CYP11A1: variants seen among roughly 807,000 people sequenced by gnomAD.
The protein encoded by CYP11A1 is cholesterol side-chain cleavage enzyme, mitochondrial.
Under a neutral mutation model 51.9 loss-of-function variants are expected in CYP11A1, and 25 were observed. The observed-to-expected ratio is 0.48, with a 90% CI of 0.35 to 0.67. The LOEUF (loss-of-function observed/expected upper bound fraction) is 0.67. CYP11A1 is among the 30% of genes least tolerant of loss of function. The pLI is 0.00. For missense variants in CYP11A1, 578 were observed against 680.9 expected, an observed-to-expected ratio of 0.85 and a Z score of 1.68; for synonymous variants, 245 against 262.1, an observed-to-expected ratio of 0.93 and a Z score of 0.63.
intron 1 of CYP11A1, among the ~76,000 whole-genome samples, chr15:74,352,372 C>A (rs2060660360): frequency 7.0e-6 from 1 of 143,868 alleles, no homozygotes; most frequent in African/African-American, 2.6e-5. Context: ...TGGGTTCAAA[C>A]AATTCTCCTG....
In CYP11A1 at chr15:74,338,617, A is replaced by G. The variant is rs774799229; in HGVS notation, c.1388T>C (p.Leu463Pro). 3 of 1,614,172 alleles carry G rather than the reference A, an allele frequency of 1.9e-6. No individual in the cohort carries two copies. Among genetic ancestry groups the G allele is most frequent in the Non-Finnish European group, 2.5e-6 (3 of 1,180,024 alleles). ...CTCTAGCTCAGCGATCCGCCGTCCCAGACACTGCCGCACACCCCAGCCAAA... is the reference window on the plus strand; with the variant it reads ...CTCTAGCTCAGCGATCCGCCGTCCCGGACACTGCCGCACACCCCAGCCAAA... ...LGFGWGVRQC[L>P]GRRIAELEMT... The change falls in exon 8 of 9, where the codon CTG becomes CCG. Residue 463 changes from leucine to proline, a missense_variant. Physicochemically the swap from Leu to Pro is moderately conservative, Grantham distance 98 (BLOSUM62 -3). Coordinates refer to ENST00000268053, the MANE Select transcript of CYP11A1 (RefSeq NM_000781.3).
Position 74,337,974 on chromosome 15 carries a change from A to G in CYP11A1, c.1564T>C (p.Ter522ArgextTer68). 6.2e-7 allele frequency: 1 copy of G among 1,613,902 alleles called. No homozygotes were observed. The highest frequency in any genetic ancestry group is 1.1e-5 in the South Asian group (1 of 91,064). ...TGGCTGCAGGCCATCCTCTCTGATC[A>G]CTGCTGGGTTGCTTCCTGGTTAAAG... Reference protein sequence around the residue: ...WPFNQEATQQ* With the variant: ...WPFNQEATQQR Residue 522 changes from the stop codon to arginine, a stop_lost, in exon 9 of 9, where the codon TGA becomes CGA. Coordinates refer to ENST00000268053, the MANE Select transcript of CYP11A1 (RefSeq NM_000781.3).
chr15:74,338,042 A>G lies in CYP11A1; in HGVS notation c.1496T>C (p.Leu499Pro). ...GATGGGCTTTTCAGGCATCAGAATG[A>G]GGTTGAATGTGGTGCCCACATCGCT... ...HLSDVGTTFN[L>P]ILMPEKPISF... Residue 499 changes from leucine (L) to proline (P), a missense_variant, in exon 9 of 9, where the codon CTC becomes CCC. Transcript: ENST00000268053. 6.2e-7 allele frequency: 1 copy of G among 1,614,154 alleles called. No individual in the cohort carries two copies. The highest frequency in any genetic ancestry group is 1.3e-5 in the African/African-American group (1 of 75,036).
chr15:74,367,072 C>T, intron 1 of CYP11A1: 2 of 562,518 alleles, frequency 3.6e-6, no homozygotes, highest in Non-Finnish European at 6.3e-6. Context: ...GCGGTCTTGC[C>T]ACCAATTGTT....
intron 1 of CYP11A1, among the ~76,000 whole-genome samples, chr15:74,352,297 T>G (rs2060659995): frequency 7.5e-6 from 1 of 133,268 alleles, no homozygotes; most frequent in Admixed American, 8.5e-5. Flanking sequence ...TGAGACAGAG[T>G]CTCACTCTGT....
chr15:74,346,352 CAA>C (rs1231496852), intron 2 of CYP11A1, among the ~76,000 whole-genome samples: 6 of 84,152 alleles, frequency 7.1e-5, no homozygotes, highest in African/African-American at 2.1e-4. Context: ...GACTCTGCCT[CAA>C]AAAAAAAAAA....
Position 74,348,251 on chromosome 15 carries a change from G to T in CYP11A1, c.270-196C>A, listed in dbSNP as rs2060641077. ...TACCTGTCTCGCAGCGCTGCTGAAG[G>T]ACAAGACAATAGGAAGTATATGGAT... is the stretch of plus-strand genomic sequence containing the variant. On this transcript the variant is annotated intron_variant, in intron 1 of 8. Transcript: ENST00000268053. 4.9e-6 allele frequency: 3 copies of T among 610,924 alleles called. No individual in the cohort carries two copies. The African/African-American group carries it at 5.5e-5, about 11-fold the overall frequency. 37.8% of individuals were successfully genotyped at this position (610,924 alleles called of 1,614,324 possible).
At position 74,339,232 on chromosome 15, in the gene CYP11A1, C is replaced by G; in HGVS notation, c.1236+5G>C. 1 of 1,612,808 alleles carries G rather than the reference C, an allele frequency of 6.2e-7. No individual in the cohort carries two copies. Among genetic ancestry groups the G allele is most frequent in the Non-Finnish European group, 8.5e-7 (1 of 1,178,760 alleles). On this transcript the variant is annotated splice_donor_5th_base_variant and intron_variant, in intron 7 of 8. Coordinates refer to ENST00000268053, the MANE Select transcript of CYP11A1 (RefSeq NM_000781.3). ...CAGAGCCTGCAGCCTGCTGGCTGCA[C>G]CTACCTTGGCAGGAATCATGTAATC...
Position 74,345,235 on chromosome 15 carries a change from G to T in CYP11A1, c.434C>A (p.Ala145Glu), listed in dbSNP as rs1246487690. ...RPIGVLLKKS[A>E]AWKKDRVALN... The stretch of plus-strand genomic sequence containing the variant: ...GGCCACCCGGTCTTTCTTCCAGGCT[G>T]CCGACTTCCTGAGAAAACATGGGCC... The change falls in exon 3 of 9, where the codon GCA becomes GAA. Residue 145 changes from alanine to glutamate, a missense_variant. Transcript: ENST00000268053. The surrounding 1 kb of genome is among the most constrained non-coding windows in gnomAD (Gnocchi z 4.3). 6.2e-7 allele frequency: 1 copy of T among 1,614,160 alleles called. No individual in the cohort carries two copies. Among genetic ancestry groups the T allele is most frequent in the Non-Finnish European group, 8.5e-7 (1 of 1,180,014 alleles).
At position 74,348,040 on chromosome 15, in the gene CYP11A1, G is replaced by A. The variant is rs552357528; in HGVS notation, c.285C>T (p.Asn95=). The change falls in exon 2 of 9, where the codon AAC becomes AAT. Residue 95 remains asparagine, a synonymous_variant. Transcript: ENST00000268053. ...GGTCGATGACATAAACCGACTCCACGTTGCCGAGCTTCTCCCTGGAGGGGT... is the reference window on the plus strand; with the variant it reads ...GGTCGATGACATAAACCGACTCCACATTGCCGAGCTTCTCCCTGGAGGGGT... ...YGPIYREKLG[N]VESVYVIDPE... is the part of the protein sequence containing the mutation. 83 of 1,614,156 alleles carry A rather than the reference G, an allele frequency of 5.1e-5. No individual in the cohort carries two copies. The highest frequency in any genetic ancestry group is 1.5e-4 in the South Asian group (14 of 91,078).
intron 5 of CYP11A1, among the ~76,000 whole-genome samples, chr15:74,342,259 T>C (rs377099249): frequency 7.2e-5 from 11 of 152,258 alleles, no homozygotes; most frequent in African/African-American, 2.6e-4. Flanking sequence ...ATTTTTTGTA[T>C]TTTTAGTAGA....
At chr15:74,367,197 G>T (rs1046545200) in intron 1 of CYP11A1, 120 bp downstream of exon 1, 1,647 of 742,996 alleles carry the variant, frequency 2.2e-3, no homozygotes, top group Non-Finnish European at 3.3e-3. Context: ...AAAAAAAAAA[G>T]AAGTTAGACA....
intron 1 of CYP11A1, among the ~76,000 whole-genome samples, chr15:74,361,042 A>G (rs2060706232): frequency 6.6e-6 from 1 of 152,204 alleles, no homozygotes; most frequent in African/African-American, 2.4e-5. Context: ...TTGCTTCTTT[A>G]AAATTTCTGA....
rs112977174 is a variant in CYP11A1 at position 74,345,029 on chromosome 15, T to C, written c.625+15A>G. The stretch of plus-strand genomic sequence containing the variant: ...ACCCCCATGCCCACTGCCAGCCAGG[T>C]GCAAGCCCCCTTACACTCAAAGGCA... On this transcript the variant is annotated intron_variant, in intron 3 of 8. Transcript: ENST00000268053. The surrounding 1 kb of genome is among the most constrained non-coding windows in gnomAD (Gnocchi z 4.3). The C allele has an allele frequency of 3.4e-5, 55 of 1,613,342 alleles. No homozygotes were observed. In the African/African-American group the frequency reaches 3.9e-4, roughly 11 times the overall value.
chr15:74,348,726 A>T (rs2060643070), intron 1 of CYP11A1, among the ~76,000 whole-genome samples: 2 of 152,186 alleles, frequency 1.3e-5, no homozygotes, highest in Non-Finnish European at 2.9e-5. Flanking sequence ...TATTAAATAC[A>T]ACTGGGTTTT....
chr15:74,338,837 C>T, intron 7 of CYP11A1, 69 bp from the exon 8 acceptor site: 2 of 1,400,488 alleles, frequency 1.4e-6, no homozygotes, highest in Non-Finnish European at 2.0e-6. Flanking sequence ...AAACCCCCTT[C>T]CCTAGTCCCC....
At chr15:74,346,200 A>C (rs1392169285) in intron 2 of CYP11A1, among the ~76,000 whole-genome samples, 1 of 152,042 alleles carries the variant, frequency 6.6e-6, no homozygotes, top group Non-Finnish European at 1.5e-5. Flanking sequence ...TGAAAATACA[A>C]AAATTAGCTG....
chr15:74,353,060 A>G (rs1436910638), intron 1 of CYP11A1, among the ~76,000 whole-genome samples: 1 of 152,236 alleles, frequency 6.6e-6, no homozygotes, highest in Non-Finnish European at 1.5e-5. Context: ...TTTCACTAAA[A>G]TTTTACATTA....
chr15:74,364,545 G>A (rs1464396185), intron 1 of CYP11A1: 2 of 152,186 alleles, frequency 1.3e-5, no homozygotes, highest in South Asian at 2.1e-4. Context: ...CGGGACCTTT[G>A]AGCCCCTACG....
Sources: allele counts gnomAD v4.1 joint callset (sites outside exome capture counted in the v4.1 genomes callset), GRCh38; gene constraint gnomAD v4.1.1; non-coding constraint Gnocchi (gnomAD v3.1); transcripts MANE v1.5; gene names NCBI Gene and HGNC (gene_info 2026-07-23, HGNC 2026-07-21).